Variants in RAB28 observed in about 807,000 individuals in gnomAD.
The protein encoded by RAB28 is RAB28, member RAS oncogene family.
Under a neutral mutation model 31.7 loss-of-function variants are expected in RAB28, and 24 were observed. The ratio of observed to expected loss-of-function variants is 0.76; its 90% CI spans 0.55 to 1.06. RAB28 has a LOEUF of 1.06. Among genes scored for constraint, RAB28 ranks in the 50% least tolerant of loss-of-function variants. The probability of loss-of-function intolerance (pLI) is 0.00; values close to 1 mark genes in which losing one functional copy is unlikely to be tolerated. For synonymous variants in RAB28, 100 were observed against 90.4 expected (o/e 1.11, Z -0.60); for missense variants, 254 against 258.5 (o/e 0.98, Z 0.12).
chr4:13,407,087 TATTTCCTGA>T (rs749753090), intron 4 of RAB28, among the ~76,000 whole-genome samples: 1 of 152,252 alleles, frequency 6.6e-6, no homozygotes, highest in Non-Finnish European at 1.5e-5. Context: ...TGCCCAAGCC[TATTTCCTGA>T]ATGATATTGC....
At chr4:13,381,646 C>A (rs747715781) in intron 4 of RAB28, 52 bp from the exon 5 acceptor site, 7 of 1,329,990 alleles carry the variant, frequency 5.3e-6, no homozygotes, top group Non-Finnish European at 7.3e-6. Flanking sequence ...TCTATCAAAA[C>A]GTTTTTAACA....
intron 3 of RAB28, among the ~76,000 whole-genome samples, chr4:13,472,192 G>T (rs148703425): frequency 0.022 from 3,357 of 151,722 alleles, 40 homozygotes; most frequent in African/African-American, 0.039. Context: ...TTGCCATCTG[G>T]ACTGAAGTGC....
intron 4 of RAB28, among the ~76,000 whole-genome samples, chr4:13,394,303 A>T (rs546739432): frequency 4.6e-5 from 7 of 152,228 alleles, no homozygotes; most frequent in Non-Finnish European, 7.4e-5. Flanking sequence ...TTGGGGTAAA[A>T]CTGCTTCATC....
At chr4:13,437,529 AC>A (rs1714188347) in intron 4 of RAB28, among the ~76,000 whole-genome samples, 2 of 152,076 alleles carry the variant, frequency 1.3e-5, no homozygotes, top group Admixed American at 1.3e-4. Flanking sequence ...AATAACCGCA[AC>A]AAAAAGTGGA....
intron 6 of RAB28, 21 bp from the exon 7 acceptor site, chr4:13,368,671 G>A: frequency 6.3e-7 from 1 of 1,585,280 alleles, no homozygotes; most frequent in Non-Finnish European, 8.6e-7. Context: ...AGAAAACAGA[G>A]TTATTATCAG....
intron 4 of RAB28, chr4:13,459,782 G>A: frequency 8.5e-7 from 1 of 1,179,436 alleles, no homozygotes; most frequent in Non-Finnish European, 1.1e-6. Flanking sequence ...TTCCAATGTA[G>A]ACACTTCTTT....
intron 4 of RAB28, among the ~76,000 whole-genome samples, chr4:13,404,432 A>T (rs1001332280): frequency 6.6e-6 from 1 of 152,194 alleles, no homozygotes; most frequent in South Asian, 2.1e-4. Flanking sequence ...AAAAGTTACA[A>T]GTAAAGATAT....
rs544127663 is a variant in RAB28 at position 13,370,236 on chromosome 4, T to C, written c.574-1586A>G. ...TAATTACTGAAATAGATATGACCAC[T>C]GAACTTCCCAAATTGTAAGTTCCAT... On this transcript the variant is annotated intron_variant, in intron 6 of 6. Coordinates refer to ENST00000330852, the MANE Select transcript of RAB28 (RefSeq NM_001017979.3). 33 of 969,524 alleles carry C rather than the reference T, an allele frequency of 3.4e-5. No homozygotes were observed. The South Asian group carries it at 1.2e-3, about 36-fold the overall frequency. 60.1% of individuals were successfully genotyped at this position (969,524 alleles called of 1,614,324 possible).
chr4:13,425,113 T>C (rs1185553382), intron 4 of RAB28, among the ~76,000 whole-genome samples: 1 of 152,200 alleles, frequency 6.6e-6, no homozygotes, highest in African/African-American at 2.4e-5. Flanking sequence ...TACTTACCTA[T>C]CAGCAGCATT....
At position 13,370,596 on chromosome 4, in the gene RAB28, G is replaced by C. The variant is rs948867291; in HGVS notation, c.574-1946C>G. The C allele has an allele frequency of 4.1e-6, 4 of 976,688 alleles. No homozygotes were observed. In the African/African-American group the frequency reaches 5.3e-5, roughly 13 times the overall value. 60.5% of individuals were successfully genotyped at this position (976,688 alleles called of 1,614,324 possible). A position where few individuals can be genotyped will look rare whatever the true frequency, so the allele number is the denominator to read the frequency against. ...AATTAATTATCTTTGAAGGTGGGGA[G>C]AGGAATGAAGACATCAGAGGAAGGC... On this transcript the variant is annotated intron_variant, in intron 6 of 6. Transcript: ENST00000330852.
At chr4:13,434,651 C>A (rs938168509) in intron 4 of RAB28, among the ~76,000 whole-genome samples, 1 of 152,114 alleles carries the variant, frequency 6.6e-6, no homozygotes, top group Non-Finnish European at 1.5e-5. Context: ...TGTGCTTGGT[C>A]ATAAAGTCTC....
At chr4:13,386,369 A>T (rs561363161) in intron 4 of RAB28, among the ~76,000 whole-genome samples, 2 of 152,184 alleles carry the variant, frequency 1.3e-5, no homozygotes, top group South Asian at 4.1e-4. Context: ...TCTGACAAAG[A>T]TCTAATATCA....
At chr4:13,399,354 T>G (rs935886308) in intron 4 of RAB28, among the ~76,000 whole-genome samples, 25 of 152,220 alleles carry the variant, frequency 1.6e-4, no homozygotes, top group African/African-American at 5.8e-4. Context: ...CTCCAATTGA[T>G]GAACACAAGT....
intron 3 of RAB28, among the ~76,000 whole-genome samples, chr4:13,473,111 G>T (rs1446511376): frequency 6.6e-6 from 1 of 151,858 alleles, no homozygotes; most frequent in Non-Finnish European, 1.5e-5. Flanking sequence ...GTCCTTCTCC[G>T]AATATTTTAC....
intron 4 of RAB28, chr4:13,460,013 G>T: frequency 5.7e-6 from 4 of 704,488 alleles, no homozygotes; most frequent in Non-Finnish European, 8.6e-6. Flanking sequence ...AATAGACCAC[G>T]CATCAAAACA....
In RAB28 at chr4:13,401,083, T is replaced by A. The variant is rs139023908; in HGVS notation, c.392-19489A>T. ...ATTATATCGGTGTCATAAAATAAGT[T>A]GGGAGGTATTCCAACACCTTTGGTT... On this transcript the variant is annotated intron_variant, in intron 4 of 6. Transcript: ENST00000330852. Among the ~76,000 whole-genome samples, 92 of 152,340 alleles carry A rather than the reference T, an allele frequency of 6.0e-4. 1 individual carries two copies. The highest frequency in any genetic ancestry group is 1.9e-3 in the African/African-American group (78 of 41,596).
chr4:13,417,016 T>C (rs1031990783), intron 4 of RAB28, among the ~76,000 whole-genome samples: 6 of 152,258 alleles, frequency 3.9e-5, no homozygotes, highest in South Asian at 2.1e-4. Context: ...ACCTGGAAAA[T>C]TGGGACACTC....
intron 4 of RAB28, among the ~76,000 whole-genome samples, chr4:13,426,759 T>C (rs1713520200): frequency 6.6e-6 from 1 of 152,200 alleles, no homozygotes; most frequent in African/African-American, 2.4e-5. Flanking sequence ...TACATTCACA[T>C]TATTCAACAG....
chr4:13,407,350 T>C (rs932139649), intron 4 of RAB28, among the ~76,000 whole-genome samples: 2 of 152,212 alleles, frequency 1.3e-5, no homozygotes, highest in Middle Eastern at 3.2e-3. Context: ...GCCTCTGTTC[T>C]GTTCCATTGG....
Sources: allele counts gnomAD v4.1 joint callset (sites outside exome capture counted in the v4.1 genomes callset), GRCh38; gene constraint gnomAD v4.1.1; transcripts MANE v1.5; gene names NCBI Gene and HGNC (gene_info 2026-07-23, HGNC 2026-07-21).